CORO2B: variants seen among roughly 807,000 people sequenced by gnomAD.
CORO2B encodes the protein coronin-2B.
In CORO2B, 26 loss-of-function variants were observed where a neutral mutation model predicts 58.8. The ratio of observed to expected loss-of-function variants is 0.44; its 90% CI spans 0.32 to 0.61. The LOEUF (loss-of-function observed/expected upper bound fraction) is 0.61, where lower values mean the gene tolerates loss of function less well. Ranked by LOEUF, CORO2B falls within the 20% of genes least tolerant of loss-of-function variation. The pLI is 0.04. For synonymous variants in CORO2B, 242 were observed against 253.8 expected (o/e 0.95, Z 0.44); for missense variants, 460 against 645.1 (o/e 0.71, Z 3.11).
rs977112583 is a variant in CORO2B at position 68,726,304 on chromosome 15, C to T, written c.*330C>T. 1.3e-4 allele frequency: 43 copies of T among 336,104 alleles called. No individual in the cohort carries two copies. Among genetic ancestry groups the T allele is most frequent in the African/African-American group, 7.2e-4 (32 of 44,666 alleles). 20.8% of individuals were successfully genotyped at this position (336,104 alleles called of 1,614,324 possible). On this transcript the variant is annotated 3_prime_UTR_variant, in exon 12 of 12. Transcript: ENST00000261861. ...GTGGACCAGGAAGCAAGAGGGGAAG[C>T]GGGATCCCAGCTAGACTTAGAACTT... is the stretch of plus-strand genomic sequence containing the variant.
intron 7 of CORO2B, 121 bp from the exon 8 acceptor site, chr15:68,715,094 T>A: frequency 1.1e-6 from 1 of 879,090 alleles, no homozygotes; most frequent in South Asian, 1.4e-5. Context: ...CAGGTTTCCT[T>A]GGTTTTTTTA....
chr15:68,642,097 C>T (rs146904421), intron 1 of CORO2B, among the ~76,000 whole-genome samples: 121 of 134,350 alleles, frequency 9.0e-4, no homozygotes, highest in Middle Eastern at 5.1e-3. Flanking sequence ...AGTGCAGTGG[C>T]GCGATCTCGG....
intron 1 of CORO2B, among the ~76,000 whole-genome samples, chr15:68,640,249 C>T (rs903263026): frequency 6.6e-6 from 1 of 152,256 alleles, no homozygotes; most frequent in Non-Finnish European, 1.5e-5. Flanking sequence ...GGCCTCCTCA[C>T]TGCCAACAGC....
chr15:68,560,127 C>T, the CORO2B span, among the ~76,000 whole-genome samples: 1 of 152,108 alleles, frequency 6.6e-6, no homozygotes, highest in Non-Finnish European at 1.5e-5. Flanking sequence ...CAGGCATTGG[C>T]TGGGGGCTGC....
At chr15:68,656,283 A>G (rs1193739257) in intron 2 of CORO2B, among the ~76,000 whole-genome samples, 1 of 151,478 alleles carries the variant, frequency 6.6e-6, no homozygotes, top group East Asian at 1.9e-4. Flanking sequence ...ACGTGTCAAG[A>G]GACAGATCTG....
At chr15:68,600,260 C>T (rs1240145097) in intron 1 of CORO2B, among the ~76,000 whole-genome samples, 1 of 152,200 alleles carries the variant, frequency 6.6e-6, no homozygotes, top group Non-Finnish European at 1.5e-5. Context: ...TTGCACTCCT[C>T]CGTGGAGGCC....
At chr15:68,529,109 C>G in the CORO2B span, among the ~76,000 whole-genome samples, 40 of 152,160 alleles carry the variant, frequency 2.6e-4, no homozygotes, top group Non-Finnish European at 8.8e-5. Flanking sequence ...GAGCGAAGTA[C>G]GTGGGTTGTT....
the CORO2B span, among the ~76,000 whole-genome samples, chr15:68,553,888 T>C: frequency 6.6e-6 from 1 of 152,206 alleles, no homozygotes; most frequent in African/African-American, 2.4e-5. Flanking sequence ...GATGTGTCCC[T>C]GAGAGCAATG....
At chr15:68,716,959 T>C (rs376548791) in intron 8 of CORO2B, among the ~76,000 whole-genome samples, 1 of 152,200 alleles carries the variant, frequency 6.6e-6, no homozygotes, top group African/African-American at 2.4e-5. Context: ...GAGGGTTCTT[T>C]TTCTTGAGTG....
At chr15:68,605,528 G>A (rs1481421480) in intron 1 of CORO2B, among the ~76,000 whole-genome samples, 2 of 152,160 alleles carry the variant, frequency 1.3e-5, no homozygotes, top group African/African-American at 4.8e-5. Context: ...ATACCAAAAT[G>A]ATATGGCAGT....
intron 1 of CORO2B, among the ~76,000 whole-genome samples, chr15:68,612,273 C>T (rs965426950): frequency 1.3e-5 from 2 of 152,186 alleles, no homozygotes; most frequent in Non-Finnish European, 2.9e-5. Flanking sequence ...GGGCACTATA[C>T]TTATTAAGCT....
the CORO2B span, among the ~76,000 whole-genome samples, chr15:68,556,030 T>C: frequency 6.6e-6 from 1 of 152,168 alleles, no homozygotes; most frequent in Non-Finnish European, 1.5e-5. Flanking sequence ...AGGAAGAGAA[T>C]CCACTCATCT....
chr15:68,575,491 C>T (rs377345424), upstream of CORO2B, among the ~76,000 whole-genome samples: 1 of 148,448 alleles, frequency 6.7e-6, no homozygotes, highest in South Asian at 2.2e-4. Flanking sequence ...CCCACCACCG[C>T]GTCTGGCTAA....
the CORO2B span, among the ~76,000 whole-genome samples, chr15:68,547,502 A>T: frequency 6.6e-6 from 1 of 152,086 alleles, no homozygotes; most frequent in Non-Finnish European, 1.5e-5. Context: ...GAATTTTTTT[A>T]TGCTAATTTT....
chr15:68,678,247 G>C (rs1236698920), intron 2 of CORO2B, among the ~76,000 whole-genome samples: 1 of 152,190 alleles, frequency 6.6e-6, no homozygotes, highest in Non-Finnish European at 1.5e-5. Flanking sequence ...GAGTCAGGCA[G>C]AACAGCCTAG....
intron 2 of CORO2B, among the ~76,000 whole-genome samples, chr15:68,653,663 C>T (rs1221823119): frequency 6.6e-6 from 1 of 152,140 alleles, no homozygotes; most frequent in Admixed American, 6.6e-5. Context: ...TCATTTAGCT[C>T]CATAGCTCAC....
the CORO2B span, among the ~76,000 whole-genome samples, chr15:68,567,695 T>A: frequency 5.3e-5 from 8 of 152,218 alleles, no homozygotes; most frequent in Admixed American, 5.2e-4. Context: ...TCGGAAGGCA[T>A]GCCCTTCACT....
chr15:68,709,203 A>T (rs1004444131), intron 3 of CORO2B, among the ~76,000 whole-genome samples: 1 of 152,210 alleles, frequency 6.6e-6, no homozygotes, highest in African/African-American at 2.4e-5. Context: ...TGGGTCAAAG[A>T]GTATAATATA....
At chr15:68,691,668 GC>G (rs887919451) in intron 2 of CORO2B, among the ~76,000 whole-genome samples, 14 of 148,800 alleles carry the variant, frequency 9.4e-5, no homozygotes, top group Non-Finnish European at 1.9e-4. Flanking sequence ...TGGTTTTCAA[GC>G]TTTTTTTTTA....
Sources: allele counts gnomAD v4.1 joint callset (sites outside exome capture counted in the v4.1 genomes callset), GRCh38; gene constraint gnomAD v4.1.1; transcripts MANE v1.5; gene names NCBI Gene and HGNC (gene_info 2026-07-23, HGNC 2026-07-21).